The following DRGX variants were observed in gnomAD, a reference collection of about 807,000 sequenced individuals.
DRGX encodes dorsal root ganglia homeobox protein.
In DRGX, 21 loss-of-function variants were observed where a neutral mutation model predicts 28.6. The observed-to-expected ratio is 0.73, with a 90% CI of 0.52 to 1.06. The LOEUF is 1.06. DRGX is among the 50% of genes least tolerant of loss of function. The pLI is 0.00. For missense variants in DRGX, 354 were observed against 343.9 expected (o/e 1.03, Z -0.23); for synonymous variants, 136 against 139.1 (o/e 0.98, Z 0.16).
intron 2 of DRGX, 114 bp downstream of exon 2, chr10:49,395,293 C>T: frequency 1.5e-6 from 2 of 1,321,958 alleles, no homozygotes; most frequent in Middle Eastern, 2.3e-4. Flanking sequence ...CACCGGCAGG[C>T]GGCTGCGCCC....
chr10:49,370,720 A>G (rs1471113411), intron 6 of DRGX, among the ~76,000 whole-genome samples: 1 of 152,250 alleles, frequency 6.6e-6, no homozygotes, highest in African/African-American at 2.4e-5. Flanking sequence ...GTAAGAGACA[A>G]GATTAAAAGC....
At chr10:49,378,908 T>C (rs867412153) in intron 6 of DRGX, among the ~76,000 whole-genome samples, 3 of 152,212 alleles carry the variant, frequency 2.0e-5, no homozygotes, top group South Asian at 2.1e-4. Flanking sequence ...ATCTACTATA[T>C]ATATAGTACA....
At chr10:49,381,809 G>A (rs780548078) in intron 6 of DRGX, among the ~76,000 whole-genome samples, 1 of 152,194 alleles carries the variant, frequency 6.6e-6, no homozygotes, top group Non-Finnish European at 1.5e-5. Context: ...GGCTGGGCCC[G>A]AACCTCCGTG....
intron 6 of DRGX, among the ~76,000 whole-genome samples, chr10:49,379,879 G>T (rs951203779): frequency 3.3e-5 from 5 of 152,204 alleles, no homozygotes; most frequent in African/African-American, 1.2e-4. Context: ...GGAAGATGGG[G>T]CCAGACTCCA....
intron 2 of DRGX, among the ~76,000 whole-genome samples, chr10:49,392,182 A>G (rs1179898504): frequency 6.6e-6 from 1 of 152,210 alleles, no homozygotes; most frequent in African/African-American, 2.4e-5. Context: ...TTAACCAGTG[A>G]ATACTTTACC....
intron 6 of DRGX, among the ~76,000 whole-genome samples, chr10:49,367,513 G>C (rs144645930): frequency 9.8e-5 from 15 of 152,300 alleles, no homozygotes; most frequent in Non-Finnish European, 1.9e-4. Flanking sequence ...TGAATGAACA[G>C]AACTGTTAAC....
chr10:49,374,044 C>T (rs891573379), intron 6 of DRGX, among the ~76,000 whole-genome samples: 1 of 152,004 alleles, frequency 6.6e-6, no homozygotes, highest in African/African-American at 2.4e-5. Flanking sequence ...TTCACAGTGG[C>T]TGGTTCTGGG....
At chr10:49,375,252 C>G (rs1849704330) in intron 6 of DRGX, among the ~76,000 whole-genome samples, 1 of 152,162 alleles carries the variant, frequency 6.6e-6, no homozygotes. Context: ...CACCTCACCT[C>G]CCAAGCTTGA....
Position 49,384,539 on chromosome 10 carries a change from C to T in DRGX, c.526+1939G>A, listed in dbSNP as rs372461373. 1.4e-4 allele frequency among the ~76,000 whole-genome samples: 21 copies of T among 152,298 alleles called. 1 individual carries two copies. The highest frequency in any genetic ancestry group is 4.6e-4 in the African/African-American group (19 of 41,574). The stretch of plus-strand genomic sequence containing the variant: ...AGCAAGGCAGGCATGGGGCAGGCTC[C>T]GGGGCGGGGTGGCAGGTCACAGCCC... On this transcript the variant is annotated intron_variant, in intron 6 of 6. Transcript: ENST00000374139.
intron 6 of DRGX, among the ~76,000 whole-genome samples, chr10:49,382,382 C>T (rs1391344693): frequency 1.3e-5 from 2 of 152,130 alleles, no homozygotes; most frequent in Non-Finnish European, 2.9e-5. Context: ...TGCTAGTCCC[C>T]GAGTTGGCTA....
At chr10:49,381,754 C>A (rs1185709963) in intron 6 of DRGX, among the ~76,000 whole-genome samples, 1 of 152,212 alleles carries the variant, frequency 6.6e-6, no homozygotes, top group Non-Finnish European at 1.5e-5. Context: ...ACAGCCTTGG[C>A]TTGGATCCTC....
chr10:49,391,246 C>A lies in DRGX; in HGVS notation c.50G>T (p.Gly17Val). ...ATCAAAATCCCCCGAAGAGTGATTG[C>A]CAAAGGTTGCAGTGCCTACCAAGAG... ...PPQLEGTATF[G>V]NHSSGDFDDG... Residue 17 changes from glycine to valine, a missense_variant, in exon 3 of 7, where the codon GGC (glycine) becomes GTC (valine). Coordinates refer to ENST00000374139, the MANE Select transcript of DRGX (RefSeq NM_001276451.2). 1 of 1,610,628 alleles carries A rather than the reference C, an allele frequency of 6.2e-7. No homozygotes were observed. Among genetic ancestry groups the A allele is most frequent in the Non-Finnish European group, 8.5e-7 (1 of 1,178,476 alleles).
In DRGX at chr10:49,377,494, T is replaced by C. The variant is rs1849728755; in HGVS notation, c.526+8984A>G. Among the ~76,000 whole-genome samples, 3 of 152,240 alleles carry C rather than the reference T, an allele frequency of 2.0e-5. No homozygotes were observed. The South Asian group carries it at 6.2e-4, about 32-fold the overall frequency. ...AGTCTGGGCTGGCCCGGCGATTGGC[T>C]TTAATCAATAGGATGCAGCAGCAGT... On this transcript the variant is annotated intron_variant, in intron 6 of 6. Coordinates refer to ENST00000374139, the MANE Select transcript of DRGX (RefSeq NM_001276451.2).
chr10:49,391,316 G>T, intron 2 of DRGX, 55 bp from the exon 3 acceptor site: 5 of 1,468,400 alleles, frequency 3.4e-6, no homozygotes, highest in Non-Finnish European at 4.7e-6. Flanking sequence ...TCCTCAGACC[G>T]CCCCCAGACA....
chr10:49,366,185 C>A lies in DRGX; in HGVS notation c.723G>T (p.Ala241=). 1 of 1,612,860 alleles carries A rather than the reference C, an allele frequency of 6.2e-7. No individual in the cohort carries two copies. The highest frequency in any genetic ancestry group is 8.5e-7 in the Non-Finnish European group (1 of 1,179,340). ...SSSPGPVAKP[A]PPDGSQEKTS... ...TCTTTTCCTGGCTGCCATCTGGGGG[C>A]GCCGGCTTGGCGACAGGGCCGGGGC... Residue 241 remains alanine (A), a synonymous_variant, in exon 7 of 7, where the codon GCG becomes GCT. Transcript: ENST00000374139.
In DRGX at chr10:49,386,877, C is replaced by T. The variant is rs778124445; in HGVS notation, c.235-19G>A. On this transcript the variant is annotated intron_variant, in intron 4 of 6. Coordinates refer to ENST00000374139, the MANE Select transcript of DRGX (RefSeq NM_001276451.2). ...ACCAAACCTGAATCCCAGATGGAAA[C>T]ATACACCCAGTGAAAATCAAACAGG... is the stretch of plus-strand genomic sequence containing the variant. 1 of 1,524,978 alleles carries T rather than the reference C, an allele frequency of 6.6e-7. No individual in the cohort carries two copies. Among genetic ancestry groups the T allele is most frequent in the East Asian group, 2.3e-5 (1 of 43,740 alleles). The allele number at this position is 1,524,978 out of a possible 1,614,324, so 94.5% of individuals were successfully genotyped here.
chr10:49,390,064 G>A, intron 4 of DRGX, 69 bp downstream of exon 4: 1 of 1,457,714 alleles, frequency 6.9e-7, no homozygotes, highest in Non-Finnish European at 9.3e-7. Context: ...GCACTCTGCA[G>A]TCATGATGTC....
At position 49,368,510 on chromosome 10, in the gene DRGX, G is replaced by A. The variant is rs1446072075; in HGVS notation, c.527-2129C>T. 4.6e-5 allele frequency among the ~76,000 whole-genome samples: 7 copies of A among 152,252 alleles called. No individual in the cohort carries two copies. The East Asian group carries it at 9.6e-4, about 21-fold the overall frequency. ...TCCTAGGGGCTCTTACACAGGCATA[G>A]CCACACCCTGACACCAGTCACTGAG... On this transcript the variant is annotated intron_variant, in intron 6 of 6. Coordinates refer to ENST00000374139, the MANE Select transcript of DRGX (RefSeq NM_001276451.2).
intron 6 of DRGX, among the ~76,000 whole-genome samples, 186 bp downstream of exon 6, chr10:49,386,292 G>T (rs568216642): frequency 6.6e-6 from 1 of 152,300 alleles, no homozygotes; most frequent in South Asian, 2.1e-4. Context: ...CTATGCTCAG[G>T]ACGCATGTAG....
Sources: gnomAD v4.1 joint callset for allele counts (sites outside exome capture counted in the v4.1 genomes callset) on GRCh38, gnomAD v4.1.1 for gene constraint, MANE v1.5 for transcripts, NCBI Gene and HGNC (gene_info 2026-07-23, HGNC 2026-07-21) for gene names.